Variants in UGP2 observed in about 807,000 individuals in gnomAD.
The protein encoded by UGP2 is UTP--glucose-1-phosphate uridylyltransferase.
Under a neutral mutation model 49.0 loss-of-function variants are expected in UGP2, and 40 were observed. That is an observed-to-expected ratio of 0.82 (90% CI 0.63 to 1.06). UGP2 has a LOEUF of 1.06. UGP2 is among the 50% of genes least tolerant of loss of function. UGP2 has a pLI of 0.00. For missense variants in UGP2, 460 were observed against 603.5 expected, an observed-to-expected ratio of 0.76 and a Z score of 2.49; for synonymous variants, 225 against 213.0, an observed-to-expected ratio of 1.06 and a Z score of -0.49.
chr2:63,850,049 GTGGTATTA>G (rs1363399703), intron 1 of UGP2, among the ~76,000 whole-genome samples: 1 of 152,164 alleles, frequency 6.6e-6, no homozygotes, highest in Non-Finnish European at 1.5e-5. Context: ...ATAAAACAAA[GTGGTATTA>G]TTTAACAAAT....
chr2:63,842,330 C>G (rs1671614251), intron 1 of UGP2, 126 bp downstream of exon 1: 3 of 1,604,838 alleles, frequency 1.9e-6, no homozygotes, highest in African/African-American at 1.3e-5. Flanking sequence ...AAACCCTTTT[C>G]GTTGAATTGT....
chr2:63,889,455 G>A (rs6546038), intron 8 of UGP2: 117,123 of 152,036 alleles, frequency 0.77, 46,513 homozygotes, highest in African/African-American at 0.89. Context: ...AGGAATAGAA[G>A]CAGTCCAATT....
At chr2:63,872,684 T>C (rs1670636184) in intron 3 of UGP2, among the ~76,000 whole-genome samples, 1 of 152,216 alleles carries the variant, frequency 6.6e-6, no homozygotes, top group African/African-American at 2.4e-5. Context: ...ATGTAGTTTA[T>C]TGAATCGGGT....
chr2:63,874,942 CTG>C (rs1670817455), intron 3 of UGP2, among the ~76,000 whole-genome samples: 1 of 152,168 alleles, frequency 6.6e-6, no homozygotes, highest in East Asian at 1.9e-4. Flanking sequence ...GCTTGCAGAA[CTG>C]TGCACCAAAT....
intron 1 of UGP2, among the ~76,000 whole-genome samples, chr2:63,852,208 C>T (rs1389579796): frequency 1.3e-5 from 2 of 152,112 alleles, no homozygotes; most frequent in Non-Finnish European, 2.9e-5. Flanking sequence ...ATGGCTGTTA[C>T]AAATATGTTA....
upstream of UGP2, chr2:63,841,891 T>C (rs1432011548): frequency 2.8e-6 from 1 of 361,234 alleles, no homozygotes; most frequent in South Asian, 6.7e-5. Context: ...GGTTTTACCT[T>C]TTCCGGGAGT....
chr2:63,857,294 C>G (rs1203089818), intron 2 of UGP2, among the ~76,000 whole-genome samples: 1 of 147,680 alleles, frequency 6.8e-6, no homozygotes, highest in African/African-American at 2.5e-5. Flanking sequence ...GAGCAAGACT[C>G]TGTCTCAAAA....
At chr2:63,883,283 C>G (rs1252928521) in intron 4 of UGP2, 1 of 152,248 alleles carries the variant, frequency 6.6e-6, no homozygotes, top group Non-Finnish European at 1.5e-5. Context: ...GAGGTAAGTA[C>G]TGTTATCCCC....
At chr2:63,858,356 C>T (rs6716251) in intron 3 of UGP2, among the ~76,000 whole-genome samples, 5,034 of 152,224 alleles carry the variant, frequency 0.033, 282 homozygotes, top group African/African-American at 0.12. Flanking sequence ...CAGCTTCACT[C>T]ATTAATTTAT....
chr2:63,883,835 G>A, intron 4 of UGP2, 125 bp from the exon 5 acceptor site: 1 of 1,233,330 alleles, frequency 8.1e-7, no homozygotes, highest in Non-Finnish European at 1.1e-6. Context: ...TGTCAAATCT[G>A]TATATTTGGC....
At position 63,884,595 on chromosome 2, in the gene UGP2, A is replaced by C. The variant is rs796567084; in HGVS notation, c.575+502A>C. On this transcript the variant is annotated intron_variant, in intron 5 of 9. Coordinates refer to ENST00000337130, the MANE Select transcript of UGP2 (RefSeq NM_006759.4). ...GACTTCCATTTAAGGGATGGACATC[A>C]GTCCACATGAACTTGTACAGAAGGG... Among the ~76,000 whole-genome samples, 23 of 152,306 alleles carry C rather than the reference A, an allele frequency of 1.5e-4. 1 individual carries two copies. The highest frequency in any genetic ancestry group is 5.5e-4 in the African/African-American group (23 of 41,570).
At chr2:63,868,259 T>A (rs1265930216) in intron 3 of UGP2, among the ~76,000 whole-genome samples, 1 of 152,226 alleles carries the variant, frequency 6.6e-6, no homozygotes, top group Non-Finnish European at 1.5e-5. Context: ...CCAAGGAGGC[T>A]TTGCACAGTG....
At chr2:63,888,991 G>A (rs1333642648) in intron 8 of UGP2, 1 of 152,194 alleles carries the variant, frequency 6.6e-6, no homozygotes, top group Non-Finnish European at 1.5e-5. Flanking sequence ...GTGTGGTTTG[G>A]TGCCACCTGC....
chr2:63,887,380 C>T, intron 7 of UGP2, 22 bp from the exon 8 acceptor site: 1 of 1,612,918 alleles, frequency 6.2e-7, no homozygotes, highest in African/African-American at 1.3e-5. Context: ...GTTTTCTATT[C>T]CCCACCCCTA....
At chr2:63,856,704 A>T (rs1669459960) in intron 2 of UGP2, 1 of 499,342 alleles carries the variant, frequency 2.0e-6, no homozygotes, top group Non-Finnish European at 3.9e-6. Context: ...CTGTGTTTTG[A>T]TGTCATTGGG....
At chr2:63,862,708 C>G (rs754750231) in intron 3 of UGP2, 4 of 414,464 alleles carry the variant, frequency 9.7e-6, no homozygotes, top group Non-Finnish European at 1.9e-5. Context: ...TTAGGAAAAT[C>G]AGAGTGTGGG....
chr2:63,854,327 C>G (rs1345441367), intron 1 of UGP2, among the ~76,000 whole-genome samples: 1 of 152,166 alleles, frequency 6.6e-6, no homozygotes, highest in Non-Finnish European at 1.5e-5. Flanking sequence ...TTTTATATTG[C>G]TAGGCAATAG....
chr2:63,864,500 A>C (rs563348538), intron 3 of UGP2, among the ~76,000 whole-genome samples: 8 of 152,370 alleles, frequency 5.3e-5, no homozygotes, highest in African/African-American at 1.7e-4. Flanking sequence ...GTTTTCTTAC[A>C]TGATACTCAG....
At chr2:63,855,375 A>C (rs1328603634) in intron 1 of UGP2, 1 of 469,086 alleles carries the variant, frequency 2.1e-6, no homozygotes, top group African/African-American at 2.0e-5. Context: ...AATACTAAGG[A>C]TAGAAGGGGA....
Sources: allele counts gnomAD v4.1 joint callset (sites outside exome capture counted in the v4.1 genomes callset), GRCh38; gene constraint gnomAD v4.1.1; transcripts MANE v1.5; gene names NCBI Gene and HGNC (gene_info 2026-07-23, HGNC 2026-07-21).